The following CPE variants were observed in gnomAD, a reference collection of about 807,000 sequenced individuals.
CPE encodes the protein carboxypeptidase E.
In CPE, 17 loss-of-function variants were observed where a neutral mutation model predicts 53.5. That is an observed-to-expected ratio of 0.32 (90% CI 0.22 to 0.48). The LOEUF is 0.48. CPE is among the 20% of genes least tolerant of loss of function. The pLI, the probability that CPE is intolerant of heterozygous loss-of-function variation, is 0.99. For synonymous variants in CPE, 226 were observed against 228.8 expected (o/e 0.99, Z 0.11); for missense variants, 524 against 614.7 (o/e 0.85, Z 1.56).
chr4:165,478,201 A>G (rs1732337557), intron 3 of CPE, among the ~76,000 whole-genome samples: 1 of 152,328 alleles, frequency 6.6e-6, no homozygotes, highest in East Asian at 1.9e-4. Flanking sequence ...TTTAAATGGA[A>G]AGTTTAAAGA....
At chr4:165,411,645 C>T (rs773826735) in intron 1 of CPE, among the ~76,000 whole-genome samples, 13 of 152,148 alleles carry the variant, frequency 8.5e-5, no homozygotes, top group South Asian at 2.1e-4. Context: ...CCTTGTGATG[C>T]GCTTGAGGGG....
Position 165,493,195 on chromosome 4 carries a change from G to C in CPE, c.1138G>C (p.Val380Leu). The change falls in exon 7 of 9, where the codon GTC (valine) becomes CTC (leucine). Residue 380 changes from valine (V) to leucine (L), a missense_variant. Physicochemically the swap from Val to Leu is conservative, Grantham distance 32. Coordinates refer to ENST00000402744, the MANE Select transcript of CPE (RefSeq NM_001873.4). Reference protein sequence around the residue: ...EQIHRGVKGFVRDLQGNPIAN... With the variant: ...EQIHRGVKGFLRDLQGNPIAN... The stretch of plus-strand genomic sequence containing the variant: ...GATACACCGAGGAGTTAAAGGATTT[G>C]TCCGAGACCTTCAAGGTAACCCAAT... 6.2e-7 allele frequency: 1 copy of C among 1,613,902 alleles called. No homozygotes were observed. The highest frequency in any genetic ancestry group is 8.5e-7 in the Non-Finnish European group (1 of 1,179,886).
intron 1 of CPE, among the ~76,000 whole-genome samples, chr4:165,414,520 T>A (rs186516195): frequency 3.9e-5 from 6 of 152,316 alleles, no homozygotes; most frequent in Admixed American, 2.6e-4. Context: ...GCTTGGAATA[T>A]TCTCCTGCAT....
At chr4:165,421,617 C>T (rs1378887423) in intron 1 of CPE, among the ~76,000 whole-genome samples, 1 of 152,120 alleles carries the variant, frequency 6.6e-6, no homozygotes, top group African/African-American at 2.4e-5. Context: ...ACATAGTATA[C>T]CTTTTCACCC....
Position 165,497,578 on chromosome 4 carries a change from T to A in CPE, c.1399T>A (p.Trp467Arg). 1 of 1,574,878 alleles carries A rather than the reference T, an allele frequency of 6.3e-7. No individual in the cohort carries two copies. The highest frequency in any genetic ancestry group is 8.6e-7 in the Non-Finnish European group (1 of 1,163,180). The stretch of plus-strand genomic sequence containing the variant: ...GGAGAAGGAAGAATTGATGGAATGG[T>A]GGAAAATGATGTCAGAAACTTTAAA... ...EEEKEELMEWWKMMSETLNF is the reference protein window; with the variant it reads ...EEEKEELMEWRKMMSETLNF The change falls in exon 9 of 9, where the codon TGG becomes AGG. Residue 467 changes from tryptophan (W) to arginine (R), a missense_variant. Coordinates refer to ENST00000402744, the MANE Select transcript of CPE (RefSeq NM_001873.4).
intron 1 of CPE, among the ~76,000 whole-genome samples, chr4:165,410,000 C>T (rs1731011498): frequency 1.3e-5 from 2 of 152,060 alleles, no homozygotes; most frequent in Admixed American, 1.3e-4. Context: ...GTAATCCCAG[C>T]ACTTTGGGAG....
chr4:165,429,317 C>A (rs1196595876), intron 1 of CPE, among the ~76,000 whole-genome samples: 3 of 152,214 alleles, frequency 2.0e-5, no homozygotes, highest in African/African-American at 7.2e-5. Flanking sequence ...TAACAATTTT[C>A]TGTGTCTCCT....
intron 1 of CPE, among the ~76,000 whole-genome samples, chr4:165,408,181 A>AT (rs1450456134): frequency 1.3e-5 from 2 of 152,006 alleles, no homozygotes; most frequent in Non-Finnish European, 2.9e-5. Context: ...CAATTTATGT[A>AT]TTTTTTCTTG....
Position 165,379,302 on chromosome 4 carries a change from C to T in CPE, c.81C>T (p.Ala27=), listed in dbSNP as rs1730462227. 6.5e-7 allele frequency: 1 copy of T among 1,541,128 alleles called. No homozygotes were observed. The highest frequency in any genetic ancestry group is 1.2e-5 in the South Asian group (1 of 84,458). Residue 27 remains alanine, a synonymous_variant, in exon 1 of 9, where the codon GCC becomes GCT. Transcript: ENST00000402744. This position sits in a 1 kb window ranked among gnomAD's most constrained non-coding sequence, Gnocchi z 6.0. ...AACGWLLGAE[A]QEPGAPAAGM... ...GCGGGTGGCTCCTGGGCGCCGAAGC[C>T]CAGGAGCCCGGGGCGCCCGCGGCGG... is the stretch of plus-strand genomic sequence containing the variant.
intron 1 of CPE, among the ~76,000 whole-genome samples, chr4:165,402,600 C>G (rs747849300): frequency 3.9e-5 from 6 of 152,212 alleles, no homozygotes; most frequent in Non-Finnish European, 8.8e-5. Context: ...CCCTTTCTCT[C>G]CATGTGACGT....
rs912883959 is a variant in CPE, at chr4:165,404,956, T to G, written c.307+25428T>G. ...TGTTACTAGCAAAGACGTAGTGATC[T>G]GGAATCACTGCTTCTACTTCCTTTA... is the stretch of plus-strand genomic sequence containing the variant. On this transcript the variant is annotated intron_variant, in intron 1 of 8. Transcript: ENST00000402744. 4 of 757,910 alleles carry G rather than the reference T, an allele frequency of 5.3e-6. No homozygotes were observed. In the African/African-American group the frequency reaches 6.8e-5, roughly 13 times the overall value. 46.9% of individuals were successfully genotyped at this position (757,910 alleles called of 1,614,324 possible).
At chr4:165,452,031 G>C (rs926772187) in intron 1 of CPE, among the ~76,000 whole-genome samples, 1 of 151,866 alleles carries the variant, frequency 6.6e-6, no homozygotes, top group East Asian at 1.9e-4. Context: ...GTTTGTCTGG[G>C]ATCAGAAAAC....
intron 1 of CPE, among the ~76,000 whole-genome samples, chr4:165,420,196 C>A (rs376381387): frequency 9.3e-4 from 141 of 152,084 alleles, no homozygotes; most frequent in African/African-American, 3.3e-3. Context: ...GTCTTCATAT[C>A]ATGTTATCAC....
At chr4:165,416,339 C>T (rs755431794) in intron 1 of CPE, among the ~76,000 whole-genome samples, 4 of 152,192 alleles carry the variant, frequency 2.6e-5, no homozygotes, top group Middle Eastern at 3.2e-3. Flanking sequence ...GTGACCACTG[C>T]CACTATTGGG....
At chr4:165,429,378 T>C (rs763178542) in intron 1 of CPE, among the ~76,000 whole-genome samples, 26 of 152,210 alleles carry the variant, frequency 1.7e-4, no homozygotes, top group Non-Finnish European at 2.9e-4. Flanking sequence ...TTCCCACTTA[T>C]TGGAAAAATT....
chr4:165,383,370 C>T (rs570245672), intron 1 of CPE, among the ~76,000 whole-genome samples: 45 of 152,262 alleles, frequency 3.0e-4, no homozygotes, highest in African/African-American at 1.1e-3. Context: ...TATCCATCAT[C>T]GAAATACAGT....
intron 1 of CPE, among the ~76,000 whole-genome samples, chr4:165,449,465 T>C (rs181940434): frequency 1.7e-4 from 26 of 152,298 alleles, no homozygotes; most frequent in Admixed American, 1.2e-3. Flanking sequence ...GTTGTCTGTG[T>C]CTTTTCCTGT....
At chr4:165,450,909 T>C (rs923822627) in intron 1 of CPE, among the ~76,000 whole-genome samples, 7 of 152,230 alleles carry the variant, frequency 4.6e-5, no homozygotes, top group Admixed American at 2.0e-4. Context: ...TTGTCTTTAA[T>C]TATTTTAAAA....
intron 1 of CPE, among the ~76,000 whole-genome samples, chr4:165,413,920 A>G (rs1731082334): frequency 6.6e-6 from 1 of 152,226 alleles, no homozygotes; most frequent in Non-Finnish European, 1.5e-5. Flanking sequence ...ATGCATATTT[A>G]TGATTCTATT....
Sources: allele counts gnomAD v4.1 joint callset (sites outside exome capture counted in the v4.1 genomes callset), GRCh38; gene constraint gnomAD v4.1.1; non-coding constraint Gnocchi (gnomAD v3.1); transcripts MANE v1.5; gene names NCBI Gene and HGNC (gene_info 2026-07-23, HGNC 2026-07-21).